Variants in PPP1R3E observed in about 807,000 individuals in gnomAD.
PPP1R3E encodes protein phosphatase 1, regulatory (inhibitor) subunit 3E.
PPP1R3E carries 20 observed loss-of-function variants against 18.5 expected under a neutral mutation model. The observed-to-expected ratio is 1.08, with a 90% CI of 0.76 to 1.58. PPP1R3E has a LOEUF of 1.58. Ranked by LOEUF, PPP1R3E falls within the 40% of genes most tolerant of loss-of-function variation. The pLI is 0.00. For missense variants in PPP1R3E, 498 were observed against 460.2 expected (o/e 1.08, Z -0.75); for synonymous variants, 208 against 208.1 (o/e 1.00, Z 0.00).
rs765288932 is a variant in PPP1R3E at position 23,297,111 on chromosome 14, T to A, written c.*2193A>T. ...AGCCTATGACCCAGGTAGTGTTTTC[T>A]CTCACGGCACTTCCCAGTCCACAGC... On this transcript the variant is annotated 3_prime_UTR_variant, in exon 5 of 5. Transcript: ENST00000452015. 3 of 152,228 alleles carry A rather than the reference T, an allele frequency of 2.0e-5. No homozygotes were observed. The highest frequency in any genetic ancestry group is 2.9e-5 in the Non-Finnish European group (2 of 68,058). 9.4% of individuals were successfully genotyped at this position (152,228 alleles called of 1,614,324 possible).
At position 23,298,242 on chromosome 14, in the gene PPP1R3E, G is replaced by A. The variant is rs1343357366; in HGVS notation, c.*1062C>T. On this transcript the variant is annotated 3_prime_UTR_variant, in exon 5 of 5. Transcript: ENST00000452015. ...CCAAGCCAGTCCAGGAGATTGGCAG[G>A]ATGGGAAGGCAGAGCACAGTCAGAA... 6.6e-6 allele frequency: 1 copy of A among 152,220 alleles called. No homozygotes were observed. The highest frequency in any genetic ancestry group is 1.5e-5 in the Non-Finnish European group (1 of 68,040). The allele number at this position is 152,220 out of a possible 1,614,324, so 9.4% of individuals were successfully genotyped here.
In PPP1R3E at chr14:23,302,170, C is replaced by T. The variant is rs1237690679; in HGVS notation, c.407G>A (p.Arg136His). The T allele has an allele frequency of 6.4e-6, 9 of 1,411,296 alleles. No homozygotes were observed. Among genetic ancestry groups the T allele is most frequent in the Non-Finnish European group, 8.3e-6 (9 of 1,089,746 alleles). 87.4% of individuals were successfully genotyped at this position (1,411,296 alleles called of 1,614,324 possible). Residue 136 changes from arginine to histidine, a missense_variant, in exon 1 of 5, where the codon CGC becomes CAC. By Grantham distance (29) the Arg-to-His change is conservative (BLOSUM62 0). Transcript: ENST00000452015. ...RHFAPCQPRA[R>H]GLQEARAALE... ...GCCCCCGCCGCCTACCTGGAGGCCG[C>T]GGGCGCGGGGCTGGCAGGGCGCGAA...
intron 1 of PPP1R3E, 84 bp from the exon 2 acceptor site, chr14:23,301,942 A>G (rs1887056779): frequency 1.3e-5 from 17 of 1,338,312 alleles, no homozygotes; most frequent in Non-Finnish European, 1.6e-5. Flanking sequence ...AAGGCACTGG[A>G]CCAATCAGAG....
rs1041806648 is a variant in PPP1R3E at position 23,301,398 on chromosome 14, CT to C, written c.*37del. 1 of 1,348,238 alleles carries C rather than the reference CT, an allele frequency of 7.4e-7. No homozygotes were observed. The highest frequency in any genetic ancestry group is 1.5e-5 in the African/African-American group (1 of 66,106). The allele number at this position is 1,348,238 out of a possible 1,614,324, so 83.5% of individuals were successfully genotyped here. On this transcript the variant is annotated 3_prime_UTR_variant, in exon 2 of 5. Coordinates refer to ENST00000452015, the MANE Select transcript of PPP1R3E (RefSeq NM_001276318.2). ...ATCGGGTCGCCCCGCCCCCGGGTGC[CT>C]TTGGTGTTTTCCGCCGTCGGCCGCA...
chr14:23,299,828 G>C (rs1886976755), intron 3 of PPP1R3E, among the ~76,000 whole-genome samples: 1 of 151,742 alleles, frequency 6.6e-6, no homozygotes, highest in Non-Finnish European at 1.5e-5. Context: ...GTGGGTATGA[G>C]AGTCCAGCTT....
At position 23,301,803 on chromosome 14, in the gene PPP1R3E, A is replaced by G; in HGVS notation, c.473T>C (p.Leu158Pro). The G allele has an allele frequency of 6.8e-7, 1 of 1,472,004 alleles. No individual in the cohort carries two copies. Among genetic ancestry groups the G allele is most frequent in the Non-Finnish European group, 8.9e-7 (1 of 1,120,098 alleles). 91.2% of individuals were successfully genotyped at this position (1,472,004 alleles called of 1,614,324 possible). A position where few individuals can be genotyped will look rare whatever the true frequency, so the allele number is the denominator to read the frequency against. Residue 158 changes from leucine to proline, a missense_variant, in exon 2 of 5, where the codon CTG becomes CCG. Physicochemically the swap from Leu to Pro is moderately conservative, Grantham distance 98 (BLOSUM62 -3). Transcript: ENST00000452015. ...ASEPGFAARL[L>P]TQRICLERAE... Reference sequence around the variant, plus strand: ...GCGTTCCAGGCAGATGCGCTGCGTCAGCAAGCGGGCGGCGAAGCCGGGCTC... The same window carrying G: ...GCGTTCCAGGCAGATGCGCTGCGTCGGCAAGCGGGCGGCGAAGCCGGGCTC...
chr14:23,296,947 T>G lies in PPP1R3E; in HGVS notation c.*2357A>C, dbSNP rs1057115851. 2.6e-5 allele frequency: 4 copies of G among 152,128 alleles called. No homozygotes were observed. The highest frequency in any genetic ancestry group is 9.7e-5 in the African/African-American group (4 of 41,408). 9.4% of individuals were successfully genotyped at this position (152,128 alleles called of 1,614,324 possible). A position where few individuals can be genotyped will look rare whatever the true frequency, so the allele number is the denominator to read the frequency against. On this transcript the variant is annotated 3_prime_UTR_variant, in exon 5 of 5. Coordinates refer to ENST00000452015, the MANE Select transcript of PPP1R3E (RefSeq NM_001276318.2). ...AGGAGCTAGGGCTCATGATGAAATGTTTTTCTACATTCACAAAGAAAAACA... is the reference window on the plus strand; with the variant it reads ...AGGAGCTAGGGCTCATGATGAAATGGTTTTCTACATTCACAAAGAAAAACA...
chr14:23,302,475 G>T lies in PPP1R3E; in HGVS notation c.102C>A (p.Leu34=), dbSNP rs1354082058. ...RAYYRSQRPS[L]EEEPEEEPGE... is the part of the protein sequence containing the mutation. ...CTGGCTCCTCCTCCGGCTCCTCCTC[G>T]AGGCTGGGCCGCTGGCTACGGTAGT... Residue 34 remains leucine (L), a synonymous_variant, in exon 1 of 5, where the codon CTC becomes CTA. Coordinates refer to ENST00000452015, the MANE Select transcript of PPP1R3E (RefSeq NM_001276318.2). 7.3e-6 allele frequency: 11 copies of T among 1,505,786 alleles called. No individual in the cohort carries two copies. Among genetic ancestry groups the T allele is most frequent in the Middle Eastern group, 3.6e-4 (2 of 5,532 alleles). The allele number at this position is 1,505,786 out of a possible 1,614,324, so 93.3% of individuals were successfully genotyped here.
At position 23,301,517 on chromosome 14, in the gene PPP1R3E, G is replaced by A; in HGVS notation, c.759C>T (p.Gly253=). 6.7e-7 allele frequency: 1 copy of A among 1,498,848 alleles called. No individual in the cohort carries two copies. Among genetic ancestry groups the A allele is most frequent in the Non-Finnish European group, 8.9e-7 (1 of 1,129,680 alleles). The allele number at this position is 1,498,848 out of a possible 1,614,324, so 92.8% of individuals were successfully genotyped here. Residue 253 remains glycine, a synonymous_variant, in exon 2 of 5, where the codon GGC becomes GGT. Coordinates refer to ENST00000452015, the MANE Select transcript of PPP1R3E (RefSeq NM_001276318.2). ...CGGGCCCACGTAGAGCATAGTCACG[G>A]CCGCCGTTGTTGTCCCAGAACTCGT... ...TGHEFWDNNG[G]RDYALRGPEH... is the part of the protein sequence containing the mutation.
Position 23,297,244 on chromosome 14 carries a change from C to G in PPP1R3E, c.*2060G>C, listed in dbSNP as rs1056342673. Reference sequence around the variant, plus strand: ...CACATTAATAGGGTGGCTGAAGATTCCGCTAAACTCCTAGTGTTCCCCGTG... The same window carrying G: ...CACATTAATAGGGTGGCTGAAGATTGCGCTAAACTCCTAGTGTTCCCCGTG... On this transcript the variant is annotated 3_prime_UTR_variant, in exon 5 of 5. Coordinates refer to ENST00000452015, the MANE Select transcript of PPP1R3E (RefSeq NM_001276318.2). 1 of 152,256 alleles carries G rather than the reference C, an allele frequency of 6.6e-6. No homozygotes were observed. Among genetic ancestry groups the G allele is most frequent in the Admixed American group, 6.5e-5 (1 of 15,286 alleles). 9.4% of individuals were successfully genotyped at this position (152,256 alleles called of 1,614,324 possible). A position where few individuals can be genotyped will look rare whatever the true frequency, so the allele number is the denominator to read the frequency against.
rs1886888991 is a variant in PPP1R3E, at chr14:23,296,662, C to A, written c.*2642G>T. Reference sequence around the variant, plus strand: ...ACCACACCGAGCAGAGACCTGTTTCCTAGCCTGGGAATGGGTGATCAGGAG... The same window carrying A: ...ACCACACCGAGCAGAGACCTGTTTCATAGCCTGGGAATGGGTGATCAGGAG... On this transcript the variant is annotated 3_prime_UTR_variant, in exon 5 of 5. Coordinates refer to ENST00000452015, the MANE Select transcript of PPP1R3E (RefSeq NM_001276318.2). The A allele has an allele frequency of 6.6e-6, 1 of 152,324 alleles. No homozygotes were observed. The allele number at this position is 152,324 out of a possible 1,614,324, so 9.4% of individuals were successfully genotyped here. A position where few individuals can be genotyped will look rare whatever the true frequency, so the allele number is the denominator to read the frequency against.
chr14:23,299,557 A>G lies in PPP1R3E; in HGVS notation c.*246-16T>C, dbSNP rs961467089. ...TCCATCCCTTCTGGAGGGAGAAGGA[A>G]TAGCAGAGATGAACATGAATGAAGA... On this transcript the variant is annotated splice_polypyrimidine_tract_variant and intron_variant, in intron 3 of 4. Coordinates refer to ENST00000452015, the MANE Select transcript of PPP1R3E (RefSeq NM_001276318.2). 6.6e-6 allele frequency: 1 copy of G among 152,310 alleles called. No homozygotes were observed. Among genetic ancestry groups the G allele is most frequent in the Admixed American group, 6.5e-5 (1 of 15,278 alleles). 9.4% of individuals were successfully genotyped at this position (152,310 alleles called of 1,614,324 possible).
intron 1 of PPP1R3E, 28 bp downstream of exon 1, chr14:23,302,132 C>A (rs1397103159): frequency 1.4e-6 from 2 of 1,400,606 alleles, no homozygotes; most frequent in Non-Finnish European, 1.8e-6. Context: ...AGGAGGTCCC[C>A]AGGAGGGGAG....
At position 23,302,690 on chromosome 14, in the gene PPP1R3E, C is replaced by G; in HGVS notation, c.-114G>C. On this transcript the variant is annotated 5_prime_UTR_variant, in exon 1 of 5. Coordinates refer to ENST00000452015, the MANE Select transcript of PPP1R3E (RefSeq NM_001276318.2). ...GTCGCTGGGTCCGCTTCTGCAGCCC[C>G]TCGCTGCTGTGTATTCTCCTTGCAG... 1 of 1,110,894 alleles carries G rather than the reference C, an allele frequency of 9.0e-7. No homozygotes were observed. 68.8% of individuals were successfully genotyped at this position (1,110,894 alleles called of 1,614,324 possible). A position where few individuals can be genotyped will look rare whatever the true frequency, so the allele number is the denominator to read the frequency against.
Position 23,301,767 on chromosome 14 carries a change from C to T in PPP1R3E, c.509G>A (p.Gly170Asp). The T allele has an allele frequency of 7.0e-7, 1 of 1,430,274 alleles. No individual in the cohort carries two copies. Among genetic ancestry groups the T allele is most frequent in the Non-Finnish European group, 9.1e-7 (1 of 1,096,218 alleles). 88.6% of individuals were successfully genotyped at this position (1,430,274 alleles called of 1,614,324 possible). Residue 170 changes from glycine to aspartate, a missense_variant, in exon 2 of 5, where the codon GGC becomes GAC. Coordinates refer to ENST00000452015, the MANE Select transcript of PPP1R3E (RefSeq NM_001276318.2). ...QRICLERAEA[G>D]PLGVAGSARV... is the part of the protein sequence containing the mutation. ...CGCGCTCCCGGCCACGCCCAGCGGGCCCGCCTCGGCGCGTTCCAGGCAGAT... is the reference window on the plus strand; with the variant it reads ...CGCGCTCCCGGCCACGCCCAGCGGGTCCGCCTCGGCGCGTTCCAGGCAGAT...
Position 23,301,410 on chromosome 14 carries a change from C to A in PPP1R3E, c.*26G>T. On this transcript the variant is annotated 3_prime_UTR_variant, in exon 2 of 5. Transcript: ENST00000452015. Reference sequence around the variant, plus strand: ...CGCCCCCGGGTGCCTTTGGTGTTTTCCGCCGTCGGCCGCAGGCGCCTCGTC... The same window carrying A: ...CGCCCCCGGGTGCCTTTGGTGTTTTACGCCGTCGGCCGCAGGCGCCTCGTC... 1 of 1,353,186 alleles carries A rather than the reference C, an allele frequency of 7.4e-7. No individual in the cohort carries two copies. The highest frequency in any genetic ancestry group is 3.2e-5 in the Admixed American group (1 of 30,916). 83.8% of individuals were successfully genotyped at this position (1,353,186 alleles called of 1,614,324 possible).
chr14:23,302,323 CGGGTGTCTGGGCTACGGCTGCG>C lies in PPP1R3E; in HGVS notation c.232_253del (p.Arg78AlafsTer74). ...TGCGTCGGCGAAACGCACTCTCTTG[CGGGTGTCTGGGCTACGGCTGCG>C]GGGCGCCCGGGCCCCGCCGCCTCCG... On this transcript the variant is annotated frameshift_variant, in exon 1 of 5. Coordinates refer to ENST00000452015, the MANE Select transcript of PPP1R3E (RefSeq NM_001276318.2). LOFTEE classifies it high-confidence loss of function. 2 of 1,515,130 alleles carry C rather than the reference CGGGTGTCTGGGCTACGGCTGCG, an allele frequency of 1.3e-6. No individual in the cohort carries two copies. Among genetic ancestry groups the C allele is most frequent in the Non-Finnish European group, 1.8e-6 (2 of 1,139,814 alleles). The allele number at this position is 1,515,130 out of a possible 1,614,324, so 93.9% of individuals were successfully genotyped here.
At chr14:23,299,339 G>C (rs1053921679) in intron 4 of PPP1R3E, 62 bp downstream of exon 4, 1 of 154,136 alleles carries the variant, frequency 6.5e-6, no homozygotes, top group South Asian at 2.0e-4. Context: ...TAAGGAAGAA[G>C]GGGAACCAGA....
rs3079707 is a variant in PPP1R3E, at chr14:23,299,927, G to GTTTTTTTTTTTTTTT, written c.*246-401_*246-387dup. ...GTTGCTTTGGTGTTTTTTTGTTTTT[G>GTTTTTTTTTTTTTTT]TTTTTTTTTTTTTTTTTTTTTTACA... is the stretch of plus-strand genomic sequence containing the variant. On this transcript the variant is annotated intron_variant, in intron 3 of 4. Transcript: ENST00000452015. 1.2e-4 allele frequency among the ~76,000 whole-genome samples: 12 copies of GTTTTTTTTTTTTTTT among 100,766 alleles called. 2 individuals carry two copies. Among genetic ancestry groups the GTTTTTTTTTTTTTTT allele is most frequent in the Non-Finnish European group, 2.0e-4 (10 of 50,366 alleles). The allele number at this position is 100,766 out of a possible 152,430, so 66.1% of individuals were successfully genotyped here. A position where few individuals can be genotyped will look rare whatever the true frequency, so the allele number is the denominator to read the frequency against.
Sources: gnomAD v4.1 joint callset for allele counts (sites outside exome capture counted in the v4.1 genomes callset) on GRCh38, gnomAD v4.1.1 for gene constraint, MANE v1.5 for transcripts, NCBI Gene and HGNC (gene_info 2026-07-23, HGNC 2026-07-21) for gene names.